The following LOC112694756 variants were observed in gnomAD, a reference collection of about 807,000 sequenced individuals.
chr16:30,067,309 A>C, the LOC112694756 span: 1 of 1,613,174 alleles, frequency 6.2e-7, no homozygotes, highest in South Asian at 1.1e-5. Context: ...GCTGTCTGAC[A>C]TCGCTCACCG....
chr16:30,057,846 G>C, the LOC112694756 span, among the ~76,000 whole-genome samples: 1 of 151,968 alleles, frequency 6.6e-6, no homozygotes, highest in Non-Finnish European at 1.5e-5. Context: ...CAGGAGAATA[G>C]CTTGAACCCA....
At chr16:30,067,475 C>T in the LOC112694756 span, 3 of 1,613,334 alleles carry the variant, frequency 1.9e-6, no homozygotes, top group South Asian at 2.2e-5. Context: ...GGCTGCAGTC[C>T]ATTGGCACCG....
At chr16:30,060,683 C>CA in the LOC112694756 span, among the ~76,000 whole-genome samples, 1 of 152,130 alleles carries the variant, frequency 6.6e-6, no homozygotes, top group Non-Finnish European at 1.5e-5. Context: ...GGGTTCTGTG[C>CA]ACAGAATGAT....
the LOC112694756 span, among the ~76,000 whole-genome samples, chr16:30,062,393 G>A: frequency 6.6e-6 from 1 of 152,066 alleles, no homozygotes; most frequent in South Asian, 2.1e-4. Context: ...TTAGCCAGGC[G>A]TGGTGGCACG....
the LOC112694756 span, chr16:30,070,328 G>T: frequency 8.7e-6 from 8 of 918,488 alleles, no homozygotes; most frequent in Admixed American, 1.9e-5. Flanking sequence ...TTCTTCCCTC[G>T]TGACAGTGGT....
chr16:30,066,747 A>T, the LOC112694756 span: 4 of 929,444 alleles, frequency 4.3e-6, no homozygotes, highest in South Asian at 7.2e-5. Flanking sequence ...CTAATCTCAG[A>T]TCTGGCTCCG....
the LOC112694756 span, chr16:30,055,310 C>A: frequency 5.5e-5 from 22 of 399,178 alleles, no homozygotes; most frequent in African/African-American, 4.3e-4. Context: ...TGCTTGCTGC[C>A]CCCAGCCCAC....
At chr16:30,058,906 C>A in the LOC112694756 span, 1 of 398,138 alleles carries the variant, frequency 2.5e-6, no homozygotes, top group Non-Finnish European at 4.4e-6. Flanking sequence ...GGGGACTCAG[C>A]AGAAACAAGA....
chr16:30,058,471 G>C, the LOC112694756 span, among the ~76,000 whole-genome samples: 1 of 151,698 alleles, frequency 6.6e-6, no homozygotes, highest in Non-Finnish European at 1.5e-5. Context: ...CGCCTGCTCT[G>C]CTTCTTTTTT....
At chr16:30,067,223 C>T in the LOC112694756 span, 4 of 1,612,086 alleles carry the variant, frequency 2.5e-6, no homozygotes, top group African/African-American at 1.3e-5. Flanking sequence ...CCCTCTGTTT[C>T]CTGTATCCAG....
chr16:30,065,357 G>A, the LOC112694756 span, among the ~76,000 whole-genome samples: 1 of 152,224 alleles, frequency 6.6e-6, no homozygotes, highest in African/African-American at 2.4e-5. Context: ...GGAAGCTGGG[G>A]CGGCCCCGGG....
the LOC112694756 span, chr16:30,067,024 A>C: frequency 6.3e-7 from 1 of 1,576,304 alleles, no homozygotes; most frequent in East Asian, 2.3e-5. Flanking sequence ...CCAGCACCAG[A>C]CAGAGTTAGG....
At chr16:30,066,274 G>A in the LOC112694756 span, 1 of 152,538 alleles carries the variant, frequency 6.6e-6, no homozygotes, top group African/African-American at 2.4e-5. Flanking sequence ...CAGCCCCAGG[G>A]TTCTCGCAAG....
chr16:30,054,959 C>T, the LOC112694756 span: 3 of 398,910 alleles, frequency 7.5e-6, no homozygotes, highest in African/African-American at 4.1e-5. Context: ...AAAGGGTGGG[C>T]TCTGGGGAAG....
At chr16:30,059,636 C>T in the LOC112694756 span, among the ~76,000 whole-genome samples, 5 of 150,974 alleles carry the variant, frequency 3.3e-5, no homozygotes, top group Non-Finnish European at 7.4e-5. Flanking sequence ...AATCTCGGCT[C>T]ACTGCAACCT....
At chr16:30,058,839 A>AT in the LOC112694756 span, 1 of 393,680 alleles carries the variant, frequency 2.5e-6, no homozygotes, top group African/African-American at 2.1e-5. Context: ...TCATTCATTC[A>AT]TTGACTCACT....
At chr16:30,068,852 C>T in the LOC112694756 span, 1 of 1,614,128 alleles carries the variant, frequency 6.2e-7, no homozygotes, top group African/African-American at 1.3e-5. Context: ...GTGCCCAGTA[C>T]AAGAAGGACG....
chr16:30,062,268 G>A, the LOC112694756 span, among the ~76,000 whole-genome samples: 2 of 151,228 alleles, frequency 1.3e-5, no homozygotes, highest in African/African-American at 2.4e-5. Context: ...GCGCAGTGGC[G>A]CATGCCTGTA....
the LOC112694756 span, among the ~76,000 whole-genome samples, chr16:30,063,101 ATTGCACTCCACCCTGGG>A: frequency 6.6e-6 from 1 of 151,764 alleles, no homozygotes; most frequent in African/African-American, 2.4e-5. Context: ...AGATCGCACC[ATTGCACTCCACCCTGGG>A]CAACAGAGTG....
Sources: gnomAD v4.1 joint callset for allele counts (sites outside exome capture counted in the v4.1 genomes callset) on GRCh38, gnomAD v4.1.1 for gene constraint, MANE v1.5 for transcripts.